Variants in MYH11 observed in about 807,000 individuals in gnomAD.
MYH11 encodes myosin-11.
Under a neutral mutation model 246.6 loss-of-function variants are expected in MYH11, and 80 were observed. The observed-to-expected ratio is 0.32, with a 90% CI of 0.27 to 0.39. The LOEUF is 0.39. MYH11 is among the 10% of genes least tolerant of loss of function. The pLI is 1.00. For synonymous variants in MYH11, 1,071 were observed against 1,015.5 expected (o/e 1.05, Z -1.04); for missense variants, 2,158 against 2,546.8 (o/e 0.85, Z 3.29).
Position 15,842,258 on chromosome 16 carries a change from C to T in MYH11, c.-17-3989G>A, listed in dbSNP as rs117404929. 4.5e-4 allele frequency among the ~76,000 whole-genome samples: 68 copies of T among 152,126 alleles called. No individual in the cohort carries two copies. The East Asian group carries it at 0.011, about 26-fold the overall frequency. On this transcript the variant is annotated intron_variant, in intron 1 of 40. Coordinates refer to ENST00000300036, the MANE Select transcript of MYH11 (RefSeq NM_002474.3). The stretch of plus-strand genomic sequence containing the variant: ...AAAAGTTGCTGGGCGTGGTAGCATG[C>T]GCCTACAATCCCAGCTACTCGGGAG...
At chr16:15,855,578 A>G (rs572513544) in intron 1 of MYH11, among the ~76,000 whole-genome samples, 42 of 152,316 alleles carry the variant, frequency 2.8e-4, no homozygotes, top group African/African-American at 9.6e-4. Flanking sequence ...AGCCTTTCTT[A>G]TGAAGTTGTT....
chr16:15,718,253 G>A, intron 37 of MYH11, 62 bp downstream of exon 37: 3 of 1,602,724 alleles, frequency 1.9e-6, no homozygotes, highest in South Asian at 1.1e-5. Context: ...GTTGACTGGT[G>A]CAGGATCCTG....
At chr16:15,848,443 A>G (rs942218554) in intron 1 of MYH11, among the ~76,000 whole-genome samples, 1 of 152,050 alleles carries the variant, frequency 6.6e-6, no homozygotes, top group Non-Finnish European at 1.5e-5. Flanking sequence ...CATATTGGCC[A>G]GGCTGGTCTT....
intron 2 of MYH11, among the ~76,000 whole-genome samples, chr16:15,826,750 G>C (rs932843570): frequency 2.0e-5 from 3 of 151,962 alleles, no homozygotes; most frequent in Non-Finnish European, 4.4e-5. Context: ...CCAGTACTTT[G>C]GGAGACCAAG....
At chr16:15,709,632 A>C (rs998016188) in intron 40 of MYH11, among the ~76,000 whole-genome samples, 3 of 152,172 alleles carry the variant, frequency 2.0e-5, no homozygotes, top group African/African-American at 7.2e-5. Flanking sequence ...TTAAATGGAA[A>C]GGAAAATGTC....
intron 3 of MYH11, among the ~76,000 whole-genome samples, chr16:15,817,262 C>G (rs193119183): frequency 1.3e-5 from 2 of 152,032 alleles, no homozygotes; most frequent in Non-Finnish European, 2.9e-5. Context: ...GAGGTTGAGG[C>G]GGGCAGATCA....
intron 26 of MYH11, 87 bp from the exon 27 acceptor site, chr16:15,732,795 G>A (rs2041006857): frequency 2.6e-6 from 4 of 1,521,098 alleles, no homozygotes; most frequent in African/African-American, 2.7e-5. Context: ...GCTCTTCCAG[G>A]ACCCAGAGCT....
chr16:15,740,199 G>A lies in MYH11; in HGVS notation c.2860-11C>T, dbSNP rs779282583. On this transcript the variant is annotated splice_polypyrimidine_tract_variant and intron_variant, in intron 22 of 40. Transcript: ENST00000300036. ...CTGTTCTTCAAGGTCCTTTGTTGTG[G>A]AGGGAAAAGAGTAACAGCTTTGGTT... 6.2e-7 allele frequency: 1 copy of A among 1,614,128 alleles called. No homozygotes were observed.
rs2040439329 is a variant in MYH11, at chr16:15,720,961, C to T, written c.4669G>A (p.Ala1557Thr). ...AGCCGCAGTTTGGCGTCCTCCGTGGCTTGCAGCTCGTCCTCCAGCTCTTCC... is the reference window on the plus strand; with the variant it reads ...AGCCGCAGTTTGGCGTCCTCCGTGGTTTGCAGCTCGTCCTCCAGCTCTTCC... ...QLEELEDELQATEDAKLRLEV... is the reference protein window; with the variant it reads ...QLEELEDELQTTEDAKLRLEV... Residue 1557 changes from alanine to threonine, a missense_variant, in exon 33 of 41, where the codon GCC becomes ACC. By Grantham distance (58) the Ala-to-Thr change is moderately conservative. Transcript: ENST00000300036. 1 of 1,614,084 alleles carries T rather than the reference C, an allele frequency of 6.2e-7. No individual in the cohort carries two copies.
At chr16:15,787,974 T>C (rs1378269567) in intron 4 of MYH11, among the ~76,000 whole-genome samples, 1 of 151,858 alleles carries the variant, frequency 6.6e-6, no homozygotes, top group Admixed American at 6.6e-5. Context: ...TAAACCCAGT[T>C]GAAGTAATTC....
chr16:15,772,087 C>CTTTTTTTTTT (rs35008322), intron 8 of MYH11, among the ~76,000 whole-genome samples: 1 of 105,956 alleles, frequency 9.4e-6, no homozygotes, highest in Admixed American at 1.2e-4. Context: ...AACCTTTACT[C>CTTTTTTTTTT]TTTTTTTTTT....
chr16:15,771,976 C>T (rs1218298977), intron 8 of MYH11, among the ~76,000 whole-genome samples: 1 of 151,536 alleles, frequency 6.6e-6, no homozygotes, highest in Non-Finnish European at 1.5e-5. Flanking sequence ...ATCCCTGGCA[C>T]GAAGTTACAT....
At chr16:15,738,208 A>G (rs1377708030) in intron 24 of MYH11, among the ~76,000 whole-genome samples, 1 of 152,086 alleles carries the variant, frequency 6.6e-6, no homozygotes, top group Non-Finnish European at 1.5e-5. Flanking sequence ...TCCTGCTTTT[A>G]AAAATACCCA....
chr16:15,737,149 A>G (rs1327644321), intron 25 of MYH11, among the ~76,000 whole-genome samples: 1 of 152,178 alleles, frequency 6.6e-6, no homozygotes, highest in Non-Finnish European at 1.5e-5. Context: ...TCGGAAATTC[A>G]GAAGGGGGTC....
At chr16:15,718,578 A>G (rs1211219060) in intron 36 of MYH11, 140 bp from the exon 37 acceptor site, 1 of 1,281,344 alleles carries the variant, frequency 7.8e-7, no homozygotes, top group Non-Finnish European at 1.1e-6. Flanking sequence ...TAGAAGACTC[A>G]TCTGTAGTTA....
intron 15 of MYH11, among the ~76,000 whole-genome samples, chr16:15,751,653 G>C (rs56759069): frequency 7.6e-6 from 1 of 130,732 alleles, no homozygotes; most frequent in African/African-American, 2.9e-5. Context: ...TCACTCTGTC[G>C]CCCAGCTGGA....
chr16:15,769,133 C>A (rs1596808242), intron 9 of MYH11, among the ~76,000 whole-genome samples: 1 of 152,044 alleles, frequency 6.6e-6, no homozygotes, highest in Admixed American at 6.5e-5. Context: ...GCCAACATGG[C>A]GAGACCCAGT....
intron 3 of MYH11, among the ~76,000 whole-genome samples, chr16:15,810,257 A>C (rs1170545663): frequency 6.6e-6 from 1 of 151,370 alleles, no homozygotes; most frequent in South Asian, 2.1e-4. Context: ...CTGGTCTCGA[A>C]CTCCTGACCT....
chr16:15,728,427 A>G (rs1221149216), intron 27 of MYH11, among the ~76,000 whole-genome samples: 1 of 152,208 alleles, frequency 6.6e-6, no homozygotes, highest in Non-Finnish European at 1.5e-5. Context: ...CTTTCCTTCA[A>G]GGCAACAATC....
Sources: gnomAD v4.1 joint callset for allele counts (sites outside exome capture counted in the v4.1 genomes callset) on GRCh38, gnomAD v4.1.1 for gene constraint, MANE v1.5 for transcripts, NCBI Gene and HGNC (gene_info 2026-07-23, HGNC 2026-07-21) for gene names.